The following ECT2 variants were observed in gnomAD, a reference collection of about 807,000 sequenced individuals.
ECT2 encodes epithelial cell transforming 2, also known as protein ECT2.
A neutral mutation model predicts 116.9 loss-of-function variants in ECT2; 61 were observed. The ratio of observed to expected loss-of-function variants is 0.52; its 90% CI spans 0.42 to 0.65. ECT2 has a LOEUF of 0.65. Ranked by LOEUF, ECT2 falls within the 30% of genes least tolerant of loss-of-function variation. The probability of loss-of-function intolerance (pLI) is 0.00; values close to 1 mark genes in which losing one functional copy is unlikely to be tolerated. For missense variants in ECT2, 937 were observed against 1,078.7 expected (o/e 0.87, Z 1.84); for synonymous variants, 358 against 346.4 (o/e 1.03, Z -0.37).
the ECT2 span, among the ~76,000 whole-genome samples, chr3:172,827,330 C>T: frequency 6.6e-6 from 1 of 152,160 alleles, no homozygotes; most frequent in African/African-American, 2.4e-5. Flanking sequence ...TCTGCACTCC[C>T]ATGTTTACTG....
In ECT2 at chr3:172,762,697, A is replaced by C. The variant is rs762742246; in HGVS notation, c.896A>C (p.Lys299Thr). 2 of 1,605,964 alleles carry C rather than the reference A, an allele frequency of 1.2e-6. No homozygotes were observed. Among genetic ancestry groups the C allele is most frequent in the Non-Finnish European group, 1.7e-6 (2 of 1,177,708 alleles). The part of the protein sequence containing the change: ...MEEMTEMQGG[K>T]YLPLGDERCT... Reference sequence around the variant, plus strand: ...TATGTGCATTCCTTTTTAGGAGGTAAATATTTACCGCTTGGAGATGAAAGA... The same window carrying C: ...TATGTGCATTCCTTTTTAGGAGGTACATATTTACCGCTTGGAGATGAAAGA... Residue 299 changes from lysine (K) to threonine (T), a missense_variant, in exon 10 of 25, where the codon AAA becomes ACA. Lys to Thr is a moderately conservative substitution (Grantham distance 78). Coordinates refer to ENST00000392692, the MANE Select transcript of ECT2 (RefSeq NM_001258315.2).
intron 12 of ECT2, among the ~76,000 whole-genome samples, chr3:172,768,264 C>T (rs1719911614): frequency 6.6e-6 from 1 of 152,058 alleles, no homozygotes; most frequent in Non-Finnish European, 1.5e-5. Flanking sequence ...AGTATTTTTA[C>T]ATCTCCCTTT....
intron 15 of ECT2, among the ~76,000 whole-genome samples, chr3:172,783,012 A>T (rs1020833561): frequency 1.3e-5 from 2 of 152,000 alleles, no homozygotes; most frequent in African/African-American, 4.8e-5. Flanking sequence ...CAGATGTACA[A>T]AGTTTTTATT....
chr3:172,782,275 A>T, intron 15 of ECT2, 44 bp downstream of exon 15: 3 of 1,240,062 alleles, frequency 2.4e-6, no homozygotes, highest in Non-Finnish European at 3.5e-6. Flanking sequence ...TTAAAATATG[A>T]TCTCATCAAG....
chr3:172,815,627 T>G lies in ECT2; in HGVS notation c.2424T>G (p.Asp808Glu). Residue 808 changes from aspartate (D) to glutamate (E), a missense_variant, in exon 23 of 25, where the codon GAT (aspartate) becomes GAG (glutamate). Coordinates refer to ENST00000392692, the MANE Select transcript of ECT2 (RefSeq NM_001258315.2). The stretch of plus-strand genomic sequence containing the variant: ...AGGAGAATCTTATTTATACTGCTGA[T>G]CCAGAATCCTTTGAAGTAAATACAA... ...ADAENLIYTA[D>E]PESFEVNTKD... The G allele has an allele frequency of 6.3e-7, 1 of 1,597,050 alleles. No individual in the cohort carries two copies. Among genetic ancestry groups the G allele is most frequent in the Non-Finnish European group, 8.5e-7 (1 of 1,171,232 alleles).
At chr3:172,773,484 C>T (rs1721043108) in intron 13 of ECT2, among the ~76,000 whole-genome samples, 1 of 152,080 alleles carries the variant, frequency 6.6e-6, no homozygotes, top group Non-Finnish European at 1.5e-5. Flanking sequence ...CAAATCCAGT[C>T]TTTCCCCCAA....
intron 18 of ECT2, among the ~76,000 whole-genome samples, chr3:172,790,207 G>C (rs965466846): frequency 6.6e-6 from 1 of 152,168 alleles, no homozygotes; most frequent in South Asian, 2.1e-4. Flanking sequence ...CCCAGATGGT[G>C]AATCCTTTCC....
intron 14 of ECT2, among the ~76,000 whole-genome samples, chr3:172,774,575 G>T (rs1326719460): frequency 6.6e-6 from 1 of 151,614 alleles, no homozygotes; most frequent in Non-Finnish European, 1.5e-5. Context: ...CTGCAACCTT[G>T]ACCTCCTGGG....
chr3:172,816,202 A>T (rs1729689413), intron 23 of ECT2, among the ~76,000 whole-genome samples: 1 of 152,186 alleles, frequency 6.6e-6, no homozygotes, highest in South Asian at 2.1e-4. Flanking sequence ...GTTCTAAGAG[A>T]GATTTACAGC....
rs1718505975 is a variant in ECT2, at chr3:172,762,440, C to G, written c.783C>G (p.Asp261Glu). The change falls in exon 9 of 25, where the codon GAC becomes GAG. Residue 261 changes from aspartate to glutamate, a missense_variant. By Grantham distance (45) the Asp-to-Glu change is conservative (BLOSUM62 2). Coordinates refer to ENST00000392692, the MANE Select transcript of ECT2 (RefSeq NM_001258315.2). ...NEQDFYAAVD[D>E]FRNEFKVPPF... ...GGGATTTCTATGCAGCAGTTGATGA[C>G]TTTAGAAATGAATTTAAAGTTCCTC... The G allele has an allele frequency of 6.3e-7, 1 of 1,594,542 alleles. No individual in the cohort carries two copies. Among genetic ancestry groups the G allele is most frequent in the Non-Finnish European group, 8.5e-7 (1 of 1,175,734 alleles).
intron 18 of ECT2, among the ~76,000 whole-genome samples, chr3:172,796,925 C>T (rs1725754557): frequency 6.6e-6 from 1 of 151,988 alleles, no homozygotes. Context: ...TCCCACAGTG[C>T]TGGAATTGGA....
rs897899233 is a variant in ECT2 at position 172,810,498 on chromosome 3, T to A, written c.2400+2574T>A. Among the ~76,000 whole-genome samples the A allele has an allele frequency of 2.0e-5, 3 of 152,216 alleles. No individual in the cohort carries two copies. In the East Asian group the frequency reaches 5.8e-4, roughly 29 times the overall value. On this transcript the variant is annotated intron_variant, in intron 22 of 24. Transcript: ENST00000392692. ...AGTTAGTATGATTTGTATTTAAAAC[T>A]ATAATTATTCTTCCATTTATTAGGC...
chr3:172,811,979 ATTTC>A (rs1425181371), intron 22 of ECT2, among the ~76,000 whole-genome samples: 2 of 144,872 alleles, frequency 1.4e-5, no homozygotes, highest in Non-Finnish European at 3.1e-5. Flanking sequence ...TCAAAAATGT[ATTTC>A]TTTTTTTTTT....
rs1721168018 is a variant in ECT2 at position 172,773,958 on chromosome 3, C to T, written c.1484C>T (p.Pro495Leu). Residue 495 changes from proline (P) to leucine (L), a missense_variant, in exon 14 of 25, where the codon CCA (proline) becomes CTA (leucine). Physicochemically the swap from Pro to Leu is moderately conservative, Grantham distance 98 (BLOSUM62 -3). Coordinates refer to ENST00000392692, the MANE Select transcript of ECT2 (RefSeq NM_001258315.2). Reference protein sequence around the residue: ...EGQRGGPILAPEEIKTIFGSI... With the variant: ...EGQRGGPILALEEIKTIFGSI... Reference sequence around the variant, plus strand: ...CAACGTGGTGGACCTATCCTTGCACCAGAGGAGATTAAGACTATTTTTGGT... The same window carrying T: ...CAACGTGGTGGACCTATCCTTGCACTAGAGGAGATTAAGACTATTTTTGGT... 3 of 1,613,010 alleles carry T rather than the reference C, an allele frequency of 1.9e-6. No individual in the cohort carries two copies. Among genetic ancestry groups the T allele is most frequent in the Non-Finnish European group, 2.5e-6 (3 of 1,179,086 alleles).
rs1726991791 is a variant in ECT2, at chr3:172,802,931, G to A, written c.2057G>A (p.Cys686Tyr). 1 of 1,613,108 alleles carries A rather than the reference G, an allele frequency of 6.2e-7. No individual in the cohort carries two copies. The highest frequency in any genetic ancestry group is 1.3e-5 in the African/African-American group (1 of 74,890). ...ACAATTTCTCTAGGTGAGCACCCCT[G>A]TGACAGAGGAGAACAAGTAACTCTC... ...VETISLGEHP[C>Y]DRGEQVTLFL... Residue 686 changes from cysteine to tyrosine, a missense_variant, in exon 20 of 25, where the codon TGT becomes TAT. Cys to Tyr is a radical substitution (Grantham distance 194). Transcript: ENST00000392692.
At chr3:172,808,441 G>A (rs770655462) in intron 22 of ECT2, among the ~76,000 whole-genome samples, 27 of 151,658 alleles carry the variant, frequency 1.8e-4, no homozygotes, top group Non-Finnish European at 1.5e-5. Flanking sequence ...TTTTTCTCAT[G>A]TGAACCTCTT....
chr3:172,773,116 A>T (rs1478238114), intron 13 of ECT2, among the ~76,000 whole-genome samples: 1 of 152,168 alleles, frequency 6.6e-6, no homozygotes, highest in African/African-American at 2.4e-5. Flanking sequence ...TTATAAATCA[A>T]TTTGAGGGAG....
chr3:172,815,772 A>G, intron 23 of ECT2, 61 bp downstream of exon 23: 1 of 1,082,462 alleles, frequency 9.2e-7, no homozygotes, highest in East Asian at 2.4e-5. Flanking sequence ...ACTATATTCA[A>G]ATAATATTGC....
At chr3:172,800,851 C>A (rs1316203058) in intron 18 of ECT2, among the ~76,000 whole-genome samples, 1 of 152,104 alleles carries the variant, frequency 6.6e-6, no homozygotes, top group East Asian at 1.9e-4. Flanking sequence ...GGTATGATTA[C>A]AAGAAAATCT....
Sources: gnomAD v4.1 joint callset for allele counts (sites outside exome capture counted in the v4.1 genomes callset) on GRCh38, gnomAD v4.1.1 for gene constraint, MANE v1.5 for transcripts, NCBI Gene and HGNC (gene_info 2026-07-23, HGNC 2026-07-21) for gene names.